GNS: variants seen among roughly 807,000 people sequenced by gnomAD.
The protein encoded by GNS is glucosamine (N-acetyl)-6-sulfatase, also known as N-acetylglucosamine-6-sulfatase.
In GNS, 40 loss-of-function variants were observed where a neutral mutation model predicts 69.7. The ratio of observed to expected loss-of-function variants is 0.57; its 90% CI spans 0.45 to 0.75. GNS has a LOEUF of 0.75. Ranked by LOEUF, GNS falls within the 30% of genes least tolerant of loss-of-function variation. The pLI is 0.00. For synonymous variants in GNS, 243 were observed against 251.6 expected, an observed-to-expected ratio of 0.97 and a Z score of 0.32; for missense variants, 565 against 685.5, an observed-to-expected ratio of 0.82 and a Z score of 1.96.
At chr12:64,751,937 G>A (rs1316306535) in intron 2 of GNS, among the ~76,000 whole-genome samples, 3 of 137,880 alleles carry the variant, frequency 2.2e-5, no homozygotes, top group Admixed American at 1.5e-4. Context: ...GCAGTGAGTC[G>A]AGATTGCGCC....
rs1870399979 is a variant in GNS at position 64,759,356 on chromosome 12, A to T, written c.-80T>A. Reference sequence around the variant, plus strand: ...GTAGCTGAAGGGCGAGAGGCCGACCAGCCGAAGGAATAAAAAGCCGTGCCT... The same window carrying T: ...GTAGCTGAAGGGCGAGAGGCCGACCTGCCGAAGGAATAAAAAGCCGTGCCT... On this transcript the variant is annotated 5_prime_UTR_variant, in exon 1 of 14. Transcript: ENST00000258145. The T allele has an allele frequency of 1.0e-6, 1 of 960,894 alleles. No individual in the cohort carries two copies. The highest frequency in any genetic ancestry group is 1.7e-5 in the African/African-American group (1 of 60,562). The allele number at this position is 960,894 out of a possible 1,614,324, so 59.5% of individuals were successfully genotyped here.
At position 64,737,013 on chromosome 12, in the gene GNS, C is replaced by T. The variant is rs369866661; in HGVS notation, c.1089G>A (p.Gln363=). ...LVRGPGIKPN[Q]TSKMLVANID... ...CTTGTCAGGCACCTACCTTGCTTGT[C>T]TGATTTGGTTTGATCCCAGGTCCTC... is the stretch of plus-strand genomic sequence containing the variant. The change falls in exon 9 of 14, where the codon CAG becomes CAA. Residue 363 remains glutamine, a synonymous_variant. Coordinates refer to ENST00000258145, the MANE Select transcript of GNS (RefSeq NM_002076.4). The T allele has an allele frequency of 1.9e-6, 3 of 1,544,310 alleles. No homozygotes were observed. Among genetic ancestry groups the T allele is most frequent in the African/African-American group, 1.4e-5 (1 of 73,548 alleles).
At chr12:64,746,537 T>C (rs943243502) in intron 3 of GNS, among the ~76,000 whole-genome samples, 5 of 152,232 alleles carry the variant, frequency 3.3e-5, no homozygotes, top group Admixed American at 2.0e-4. Context: ...GGATAATCTG[T>C]ATTTCAGTTG....
chr12:64,719,716 G>A (rs1868965419), intron 13 of GNS, among the ~76,000 whole-genome samples: 1 of 152,096 alleles, frequency 6.6e-6, no homozygotes, highest in Non-Finnish European at 1.5e-5. Flanking sequence ...ACTTAAAGAA[G>A]CCCCAAGTGT....
chr12:64,742,069 G>A (rs1204362083), intron 6 of GNS, among the ~76,000 whole-genome samples: 2 of 152,080 alleles, frequency 1.3e-5, no homozygotes, highest in East Asian at 3.9e-4. Context: ...TTCCCAGGCT[G>A]GAGTGCAGTG....
intron 11 of GNS, among the ~76,000 whole-genome samples, chr12:64,722,324 A>C (rs1354156560): frequency 6.6e-6 from 1 of 152,064 alleles, no homozygotes; most frequent in Non-Finnish European, 1.5e-5. Flanking sequence ...AGCCCAAATG[A>C]CTCATTTCTA....
chr12:64,743,627 T>C (rs1003182337), intron 5 of GNS, among the ~76,000 whole-genome samples: 1 of 152,148 alleles, frequency 6.6e-6, no homozygotes, highest in Non-Finnish European at 1.5e-5. Context: ...CTTACACTAA[T>C]GGAGATTATG....
chr12:64,735,648 G>A (rs2136243887), intron 9 of GNS, among the ~76,000 whole-genome samples: 1 of 152,344 alleles, frequency 6.6e-6, no homozygotes, highest in Non-Finnish European at 1.5e-5. Flanking sequence ...TCCCATGTGG[G>A]CTGAGGTAGC....
rs1305945261 is a variant in GNS at position 64,716,709 on chromosome 12, A to C, written c.*32T>G. ...ATCACTTCATCAGAAAGAGGCGTGC[A>C]GGGATCCATCTGCAGAGGCTGTGTG... On this transcript the variant is annotated 3_prime_UTR_variant, in exon 14 of 14. Coordinates refer to ENST00000258145, the MANE Select transcript of GNS (RefSeq NM_002076.4). 2 of 1,324,056 alleles carry C rather than the reference A, an allele frequency of 1.5e-6. No homozygotes were observed. Among genetic ancestry groups the C allele is most frequent in the Non-Finnish European group, 2.2e-6 (2 of 915,644 alleles). The allele number at this position is 1,324,056 out of a possible 1,614,324, so 82.0% of individuals were successfully genotyped here. A position where few individuals can be genotyped will look rare whatever the true frequency, so the allele number is the denominator to read the frequency against.
rs1228099967 is a variant in GNS at position 64,732,164 on chromosome 12, TTGTTG to T, written c.1099-3112_1099-3108del. On this transcript the variant is annotated intron_variant, in intron 9 of 13. Coordinates refer to ENST00000258145, the MANE Select transcript of GNS (RefSeq NM_002076.4). ...ACCACACCTGGCTAATTTTTTTTTT[TTGTTG>T]TTTTTTTTTTTTTTTTGAGACGGAG... is the stretch of plus-strand genomic sequence containing the variant. Among the ~76,000 whole-genome samples, 90 of 96,644 alleles carry T rather than the reference TTGTTG, an allele frequency of 9.3e-4. 15 individuals are homozygous for T. The highest frequency in any genetic ancestry group is 1.3e-3 in the Non-Finnish European group (63 of 49,504). 63.4% of individuals were successfully genotyped at this position (96,644 alleles called of 152,430 possible).
chr12:64,731,618 G>A (rs1300228330), intron 9 of GNS, among the ~76,000 whole-genome samples: 1 of 152,140 alleles, frequency 6.6e-6, no homozygotes, highest in African/African-American at 2.4e-5. Flanking sequence ...GGAGATGGGA[G>A]ACTTCTAGCA....
intron 6 of GNS, among the ~76,000 whole-genome samples, chr12:64,741,043 C>T (rs543441836): frequency 6.6e-6 from 1 of 152,012 alleles, no homozygotes; most frequent in African/African-American, 2.4e-5. Context: ...TGGTCTACTA[C>T]AATTAGAAAA....
At chr12:64,731,357 G>T (rs1351518502) in intron 9 of GNS, among the ~76,000 whole-genome samples, 2 of 152,190 alleles carry the variant, frequency 1.3e-5, no homozygotes, top group Admixed American at 1.3e-4. Context: ...GATTACAGGC[G>T]TGAGCCACTG....
intron 13 of GNS, among the ~76,000 whole-genome samples, chr12:64,719,710 A>T (rs1868965141): frequency 6.6e-6 from 1 of 152,168 alleles, no homozygotes; most frequent in Admixed American, 6.6e-5. Flanking sequence ...CAGCTTACTT[A>T]AAGAAGCCCC....
intron 13 of GNS, among the ~76,000 whole-genome samples, chr12:64,718,110 A>G (rs1377313915): frequency 6.6e-6 from 1 of 152,230 alleles, no homozygotes; most frequent in Non-Finnish European, 1.5e-5. Flanking sequence ...GATTGGGCTC[A>G]CAGGATCTGG....
chr12:64,755,302 A>G (rs1870213397), intron 1 of GNS, among the ~76,000 whole-genome samples: 1 of 152,146 alleles, frequency 6.6e-6, no homozygotes, highest in Admixed American at 6.5e-5. Context: ...AAGCAATGAC[A>G]TATTTATTCT....
chr12:64,730,962 TA>T (rs1869372275), intron 9 of GNS, among the ~76,000 whole-genome samples: 1 of 152,114 alleles, frequency 6.6e-6, no homozygotes, highest in Admixed American at 6.5e-5. Flanking sequence ...AGAGGAAACA[TA>T]AAAAAACCCA....
At chr12:64,749,003 G>A (rs192040958) in intron 2 of GNS, among the ~76,000 whole-genome samples, 6 of 152,180 alleles carry the variant, frequency 3.9e-5, no homozygotes, top group East Asian at 1.9e-4. Flanking sequence ...GCAGTGGCGC[G>A]ATCTTGGCTC....
intron 10 of GNS, among the ~76,000 whole-genome samples, chr12:64,726,567 T>TCA (rs1869207076): frequency 6.6e-6 from 1 of 152,206 alleles, no homozygotes; most frequent in Admixed American, 6.5e-5. Flanking sequence ...TGATCTCTGC[T>TCA]CACTACAACC....
Sources: gnomAD v4.1 joint callset for allele counts (sites outside exome capture counted in the v4.1 genomes callset) on GRCh38, gnomAD v4.1.1 for gene constraint, MANE v1.5 for transcripts, NCBI Gene and HGNC (gene_info 2026-07-23, HGNC 2026-07-21) for gene names.